Variants in PWWP3A observed in about 807,000 individuals in gnomAD.
PWWP3A encodes PWWP domain-containing DNA repair factor 3A.
PWWP3A carries 53 observed loss-of-function variants against 79.0 expected under a neutral mutation model. The ratio of observed to expected loss-of-function variants is 0.67; its 90% CI spans 0.54 to 0.84. The LOEUF (loss-of-function observed/expected upper bound fraction) is 0.84. Ranked by LOEUF, PWWP3A falls within the 40% of genes least tolerant of loss-of-function variation. The probability of loss-of-function intolerance (pLI) is 0.00; values close to 1 mark genes in which losing one functional copy is unlikely to be tolerated. For missense variants in PWWP3A, 973 were observed against 948.0 expected (o/e 1.03, Z -0.35); for synonymous variants, 443 against 394.4 (o/e 1.12, Z -1.46).
At chr19:1,375,618 T>C (rs1393883778) in intron 13 of PWWP3A, among the ~76,000 whole-genome samples, 4 of 138,930 alleles carry the variant, frequency 2.9e-5, no homozygotes, top group Middle Eastern at 3.6e-3. Context: ...TATACAATTA[T>C]ATAACAATTT....
In PWWP3A at chr19:1,376,676, G is replaced by C. The variant is rs1042710101; in HGVS notation, c.*100G>C. ...TGGGGGGCTCAGGGGGCACGTTTGC[G>C]TTTGGACCTGTCTGTGCGTTCTCCT... On this transcript the variant is annotated 3_prime_UTR_variant, in exon 14 of 14. Coordinates refer to ENST00000591337, the MANE Select transcript of PWWP3A (RefSeq NM_001369789.1). The C allele has an allele frequency of 8.7e-7, 1 of 1,155,640 alleles. No individual in the cohort carries two copies. The highest frequency in any genetic ancestry group is 1.5e-5 in the African/African-American group (1 of 65,038). 71.6% of individuals were successfully genotyped at this position (1,155,640 alleles called of 1,614,324 possible).
Position 1,360,088 on chromosome 19 carries a change from G to C in PWWP3A, c.215-48G>C, listed in dbSNP as rs573154322. ...TCTAAAGCGATGCCGTGACCGCAGT[G>C]CCTGTGCAGTGAACGTAACCGGCAT... On this transcript the variant is annotated intron_variant, in intron 4 of 13. Transcript: ENST00000591337. The surrounding 1 kb of genome is among the most constrained non-coding windows in gnomAD (Gnocchi z 4.4). The C allele has an allele frequency of 6.6e-7, 1 of 1,505,250 alleles. No individual in the cohort carries two copies. The highest frequency in any genetic ancestry group is 2.3e-5 in the East Asian group (1 of 43,786). 93.2% of individuals were successfully genotyped at this position (1,505,250 alleles called of 1,614,324 possible).
intron 5 of PWWP3A, 88 bp from the exon 6 acceptor site, chr19:1,362,162 G>A (rs1244345620): frequency 8.3e-6 from 9 of 1,089,260 alleles, no homozygotes; most frequent in East Asian, 2.5e-5. Context: ...TTTATGCATC[G>A]ATGGTCATGT....
chr19:1,369,102 C>T lies in PWWP3A; in HGVS notation c.1423-163C>T, dbSNP rs374451210. 5.6e-5 allele frequency: 35 copies of T among 628,938 alleles called. No homozygotes were observed. Among genetic ancestry groups the T allele is most frequent in the East Asian group, 1.1e-4 (4 of 35,372 alleles). The allele number at this position is 628,938 out of a possible 1,614,324, so 39.0% of individuals were successfully genotyped here. ...TCCCATTTACCAGAGGGTCCCTGTG[C>T]GAGGCGTCTGCCAGAGCCCCCTTTG... On this transcript the variant is annotated intron_variant, in intron 9 of 13. Coordinates refer to ENST00000591337, the MANE Select transcript of PWWP3A (RefSeq NM_001369789.1). The surrounding 1 kb of genome is among the most constrained non-coding windows in gnomAD (Gnocchi z 4.0).
chr19:1,375,410 T>C (rs1322639701), intron 13 of PWWP3A, among the ~76,000 whole-genome samples: 1 of 112,844 alleles, frequency 8.9e-6, no homozygotes, highest in Non-Finnish European at 1.8e-5. Context: ...ATATATAATA[T>C]ATATTATATA....
chr19:1,367,006 C>T (rs1162504786), intron 8 of PWWP3A, among the ~76,000 whole-genome samples, 154 bp from the exon 9 acceptor site: 1 of 152,212 alleles, frequency 6.6e-6, no homozygotes, highest in Non-Finnish European at 1.5e-5. Context: ...TTGGGAGCTT[C>T]TTGGCAGCTG....
At chr19:1,365,483 C>G (rs1035219969) in intron 7 of PWWP3A, among the ~76,000 whole-genome samples, 7 of 152,394 alleles carry the variant, frequency 4.6e-5, no homozygotes, top group African/African-American at 1.7e-4. Context: ...ACTGACCTCA[C>G]TCGAGTCACC....
rs1049550595 is a variant in PWWP3A, at chr19:1,365,182, AC to A, written c.1284+607del. Among the ~76,000 whole-genome samples, 16 of 152,210 alleles carry A rather than the reference AC, an allele frequency of 1.1e-4. No homozygotes were observed. The East Asian group carries it at 3.1e-3, about 29-fold the overall frequency. ...GCTCATTTTAAATATTGTGCATTTCACCCCATGAGAGCTCATTAATTTGGAT... is the reference window on the plus strand; with the variant it reads ...GCTCATTTTAAATATTGTGCATTTCACCCATGAGAGCTCATTAATTTGGAT... On this transcript the variant is annotated intron_variant, in intron 7 of 13. Coordinates refer to ENST00000591337, the MANE Select transcript of PWWP3A (RefSeq NM_001369789.1).
chr19:1,375,445 A>AT (rs1351961387), intron 13 of PWWP3A, among the ~76,000 whole-genome samples: 28 of 134,562 alleles, frequency 2.1e-4, no homozygotes, highest in South Asian at 1.1e-3. Flanking sequence ...AGCCATATAT[A>AT]TTTATATATA....
Position 1,369,196 on chromosome 19 carries a change from C to G in PWWP3A, c.1423-69C>G, listed in dbSNP as rs868699866. 2.1e-6 allele frequency: 3 copies of G among 1,462,362 alleles called. No homozygotes were observed. Among genetic ancestry groups the G allele is most frequent in the Middle Eastern group, 1.8e-4 (1 of 5,700 alleles). 90.6% of individuals were successfully genotyped at this position (1,462,362 alleles called of 1,614,324 possible). On this transcript the variant is annotated intron_variant, in intron 9 of 13. Transcript: ENST00000591337. The surrounding 1 kb of genome is among the most constrained non-coding windows in gnomAD (Gnocchi z 4.0). Reference sequence around the variant, plus strand: ...ACACCTGGCTGGTCCCTGGGCTCTGCGTGGCTTCTGAACCCAGGGTGCTTG... The same window carrying G: ...ACACCTGGCTGGTCCCTGGGCTCTGGGTGGCTTCTGAACCCAGGGTGCTTG...
At chr19:1,371,420 G>C (rs1335087387) in intron 12 of PWWP3A, 1 of 702,178 alleles carries the variant, frequency 1.4e-6, no homozygotes. Context: ...CTGCGAGTTG[G>C]AAATTCCCAA....
At chr19:1,355,339 T>G (rs922788064) in intron 1 of PWWP3A, among the ~76,000 whole-genome samples, 1 of 151,614 alleles carries the variant, frequency 6.6e-6, no homozygotes, top group Non-Finnish European at 1.5e-5. Flanking sequence ...CCTTTTCCCG[T>G]CCCTGCCGCC....
chr19:1,358,293 G>A, intron 3 of PWWP3A, 101 bp from the exon 4 acceptor site: 2 of 1,171,444 alleles, frequency 1.7e-6, no homozygotes, highest in Non-Finnish European at 2.5e-6. Flanking sequence ...AGGTTGAGGA[G>A]GAAAATGAAA....
chr19:1,364,641 C>A, intron 7 of PWWP3A, 62 bp downstream of exon 7: 2 of 1,219,194 alleles, frequency 1.6e-6, no homozygotes, highest in Non-Finnish European at 2.4e-6. Context: ...ATTTTTATTC[C>A]ATCCATCTTT....
At chr19:1,375,458 G>T (rs2082346527) in intron 13 of PWWP3A, among the ~76,000 whole-genome samples, 1 of 116,974 alleles carries the variant, frequency 8.5e-6, no homozygotes. Context: ...TATATATAAT[G>T]TATATTATAT....
intron 1 of PWWP3A, 92 bp from the exon 2 acceptor site, chr19:1,356,232 T>C: frequency 1.4e-6 from 1 of 699,246 alleles, no homozygotes; most frequent in Non-Finnish European, 2.6e-6. Context: ...TACTTGAGGC[T>C]AAGTCGAGCT....
chr19:1,371,577 G>C, intron 12 of PWWP3A: 1 of 605,406 alleles, frequency 1.7e-6, no homozygotes, highest in Middle Eastern at 3.9e-4. Flanking sequence ...TGCGGATTTG[G>C]GGCTTGGTGA....
intron 6 of PWWP3A, among the ~76,000 whole-genome samples, chr19:1,363,864 C>T (rs1337401360): frequency 1.3e-5 from 2 of 152,170 alleles, no homozygotes; most frequent in African/African-American, 2.4e-5. Flanking sequence ...TTATGGACCA[C>T]GGCACTTCCT....
chr19:1,359,416 G>A (rs1207853530), intron 4 of PWWP3A: 1 of 150,946 alleles, frequency 6.6e-6, no homozygotes, highest in Non-Finnish European at 1.5e-5. Context: ...CGCAGATTGT[G>A]TTGGGGGGCT....
Sources: allele counts gnomAD v4.1 joint callset (sites outside exome capture counted in the v4.1 genomes callset), GRCh38; gene constraint gnomAD v4.1.1; non-coding constraint Gnocchi (gnomAD v3.1); transcripts MANE v1.5; gene names NCBI Gene and HGNC (gene_info 2026-07-23, HGNC 2026-07-21).